The following ADCY1 variants were observed in gnomAD, a reference collection of about 807,000 sequenced individuals.
ADCY1 encodes the protein adenylate cyclase 1.
In ADCY1, 28 loss-of-function variants were observed where a neutral mutation model predicts 105.4. The observed-to-expected ratio is 0.27, with a 90% confidence interval of 0.20 to 0.36. The LOEUF is 0.36. Ranked by LOEUF, ADCY1 falls within the 10% of genes least tolerant of loss-of-function variation. The probability of loss-of-function intolerance (pLI) is 1.00; values close to 1 mark genes in which losing one functional copy is unlikely to be tolerated. For synonymous variants in ADCY1, 655 were observed against 623.8 expected (o/e 1.05, Z -0.75); for missense variants, 977 against 1,434.2 (o/e 0.68, Z 5.15).
At chr7:45,698,358 C>T (rs1363042280) in intron 14 of ADCY1, among the ~76,000 whole-genome samples, 1 of 152,196 alleles carries the variant, frequency 6.6e-6, no homozygotes, top group African/African-American at 2.4e-5. Context: ...TAAGATTTCT[C>T]TTTAATGTAG....
intron 5 of ADCY1, among the ~76,000 whole-genome samples, chr7:45,651,026 C>T (rs970968790): frequency 3.3e-5 from 5 of 152,186 alleles, no homozygotes; most frequent in African/African-American, 9.6e-5. Flanking sequence ...TTCAGCTCCA[C>T]ATCTCTACCC....
intron 8 of ADCY1, among the ~76,000 whole-genome samples, chr7:45,677,280 G>A (rs576738539): frequency 1.3e-4 from 20 of 152,276 alleles, no homozygotes; most frequent in African/African-American, 4.1e-4. Flanking sequence ...AGTACCAGAG[G>A]TTCTGTTTAT....
chr7:45,669,190 C>A (rs1359785566), intron 8 of ADCY1, among the ~76,000 whole-genome samples: 1 of 152,116 alleles, frequency 6.6e-6, no homozygotes, highest in Non-Finnish European at 1.5e-5. Flanking sequence ...TGTGTTTGCT[C>A]TTGCTTCTCT....
At chr7:45,660,326 A>AT in intron 7 of ADCY1, 143 bp downstream of exon 7, 8 of 1,199,060 alleles carry the variant, frequency 6.7e-6, no homozygotes, top group Non-Finnish European at 9.4e-6. Context: ...AGTTGTCCCC[A>AT]CTGACACCGT....
chr7:45,690,525 C>A (rs1486359099), intron 14 of ADCY1, among the ~76,000 whole-genome samples: 1 of 152,250 alleles, frequency 6.6e-6, no homozygotes, highest in African/African-American at 2.4e-5. Flanking sequence ...CTCCCGCTCC[C>A]CATTGGCCAA....
chr7:45,646,538 C>T (rs1794669495), intron 4 of ADCY1, among the ~76,000 whole-genome samples: 1 of 152,222 alleles, frequency 6.6e-6, no homozygotes, highest in Non-Finnish European at 1.5e-5. Context: ...GACCCTTGCC[C>T]AGATCATCAC....
intron 3 of ADCY1, 36 bp from the exon 4 acceptor site, chr7:45,622,596 G>T: frequency 6.8e-7 from 1 of 1,471,262 alleles, no homozygotes; most frequent in Non-Finnish European, 9.5e-7. Context: ...CTGAGTGACT[G>T]GGAGAAGGGC....
intron 6 of ADCY1, among the ~76,000 whole-genome samples, chr7:45,659,645 TGACCA>T (rs1308200893): frequency 2.0e-5 from 3 of 152,240 alleles, no homozygotes; most frequent in Non-Finnish European, 4.4e-5. Flanking sequence ...CTCCTTGTGC[TGACCA>T]GACCAGACCA....
At chr7:45,676,912 G>GC (rs545578201) in intron 8 of ADCY1, among the ~76,000 whole-genome samples, 1 of 149,398 alleles carries the variant, frequency 6.7e-6, no homozygotes, top group African/African-American at 2.5e-5. Context: ...TTGCTAGGTT[G>GC]CCCCTTTTTT....
At chr7:45,701,812 G>A (rs530752303) in intron 14 of ADCY1, among the ~76,000 whole-genome samples, 3 of 152,312 alleles carry the variant, frequency 2.0e-5, no homozygotes, top group African/African-American at 2.4e-5. Flanking sequence ...CCAGACAGCC[G>A]CTGCGTGGGC....
intron 18 of ADCY1, among the ~76,000 whole-genome samples, chr7:45,709,672 A>T (rs753431933): frequency 2.0e-5 from 3 of 152,164 alleles, no homozygotes; most frequent in Non-Finnish European, 4.4e-5. Context: ...CAGAAAAATT[A>T]GTCCACAAGT....
intron 1 of ADCY1, among the ~76,000 whole-genome samples, chr7:45,578,263 T>C (rs568403788): frequency 6.6e-6 from 1 of 152,142 alleles, no homozygotes; most frequent in African/African-American, 2.4e-5. Context: ...GAGAGGTCTT[T>C]AGGGGAAACA....
chr7:45,711,628 TATATATATATATATATACAC>T (rs1234186619), intron 19 of ADCY1, among the ~76,000 whole-genome samples: 3 of 36,748 alleles, frequency 8.2e-5, no homozygotes, highest in African/African-American at 1.1e-4. Context: ...TATATATATA[TATATATATATATATATACAC>T]ACACACACGT....
Position 45,714,112 on chromosome 7 carries a change from AG to A in ADCY1, c.*120del, listed in dbSNP as rs1785318502. 2 of 612,484 alleles carry A rather than the reference AG, an allele frequency of 3.3e-6. No homozygotes were observed. The highest frequency in any genetic ancestry group is 3.9e-5 in the South Asian group (2 of 51,604). The allele number at this position is 612,484 out of a possible 1,614,324, so 37.9% of individuals were successfully genotyped here. On this transcript the variant is annotated 3_prime_UTR_variant, in exon 20 of 20. Coordinates refer to ENST00000297323, the MANE Select transcript of ADCY1 (RefSeq NM_021116.4). ...CCAGCAGAGCAGGGAGCCACTTGCC[AG>A]GGTGGAGGAGGAGCATTGTCCAGGC...
intron 4 of ADCY1, among the ~76,000 whole-genome samples, chr7:45,634,293 G>A (rs150683237): frequency 5.1e-4 from 78 of 152,232 alleles, no homozygotes; most frequent in Middle Eastern, 3.4e-3. Context: ...GTCAAGAGCA[G>A]GCATTCTTGT....
chr7:45,624,244 T>G lies in ADCY1; in HGVS notation c.1020+1501T>G, dbSNP rs1163337765. ...TCACACGAGCTGAGGCCGGTGAGAC[T>G]TGCCATGCCTGGCAGCAGTTAGGGG... On this transcript the variant is annotated intron_variant, in intron 4 of 19. Coordinates refer to ENST00000297323, the MANE Select transcript of ADCY1 (RefSeq NM_021116.4). Among the ~76,000 whole-genome samples the G allele has an allele frequency of 2.0e-5, 3 of 151,950 alleles. No individual in the cohort carries two copies. The East Asian group carries it at 5.9e-4, about 30-fold the overall frequency.
chr7:45,700,611 G>T (rs1242012510), intron 14 of ADCY1, among the ~76,000 whole-genome samples: 1 of 152,190 alleles, frequency 6.6e-6, no homozygotes, highest in Non-Finnish European at 1.5e-5. Flanking sequence ...TATTTATAGT[G>T]ATTGTATCTG....
At chr7:45,648,537 A>G in intron 4 of ADCY1, 133 bp from the exon 5 acceptor site, 2 of 1,208,036 alleles carry the variant, frequency 1.7e-6, no homozygotes, top group Non-Finnish European at 2.3e-6. Flanking sequence ...CTGGGCGGGA[A>G]GGTGGTGGCC....
chr7:45,703,039 C>A lies in ADCY1; in HGVS notation c.2455-337C>A, dbSNP rs374124910. The stretch of plus-strand genomic sequence containing the variant: ...AGGAGCTGCCTGGGGGCTGGTGGAG[C>A]CTGTGGATGGGCACATGCCTGAGAA... On this transcript the variant is annotated intron_variant, in intron 14 of 19. Coordinates refer to ENST00000297323, the MANE Select transcript of ADCY1 (RefSeq NM_021116.4). This position sits in a 1 kb window ranked among gnomAD's most constrained non-coding sequence, Gnocchi z 5.9. Among the ~76,000 whole-genome samples, 1 of 152,200 alleles carries A rather than the reference C, an allele frequency of 6.6e-6. No individual in the cohort carries two copies. The highest frequency in any genetic ancestry group is 2.1e-4 in the South Asian group (1 of 4,830).
Sources: gnomAD v4.1 joint callset for allele counts (sites outside exome capture counted in the v4.1 genomes callset) on GRCh38, gnomAD v4.1.1 for gene constraint, Gnocchi (gnomAD v3.1) non-coding constraint, MANE v1.5 for transcripts, NCBI Gene and HGNC (gene_info 2026-07-23, HGNC 2026-07-21) for gene names.